Variants in ENTPD1 observed in about 807,000 individuals in gnomAD.
ENTPD1 encodes the protein ATP diphosphohydrolase.
ENTPD1 carries 33 observed loss-of-function variants against 57.0 expected under a neutral mutation model. The ratio of observed to expected loss-of-function variants is 0.58; its 90% CI spans 0.44 to 0.77. The LOEUF is 0.77. Among genes scored for constraint, ENTPD1 ranks in the 30% least tolerant of loss-of-function variants. The pLI, the probability that ENTPD1 is intolerant of heterozygous loss-of-function variation, is 0.00. For synonymous variants in ENTPD1, 202 were observed against 218.8 expected (o/e 0.92, Z 0.68); for missense variants, 501 against 603.4 (o/e 0.83, Z 1.78).
upstream of ENTPD1, among the ~76,000 whole-genome samples, chr10:95,708,823 A>G (rs181680003): frequency 2.6e-5 from 4 of 152,182 alleles, no homozygotes; most frequent in Non-Finnish European, 4.4e-5. Flanking sequence ...AAAAAGTTAA[A>G]CAATGTTTGT....
At chr10:95,808,147 A>G (rs908229376) in intron 1 of ENTPD1, among the ~76,000 whole-genome samples, 18 of 152,214 alleles carry the variant, frequency 1.2e-4, no homozygotes, top group African/African-American at 4.1e-4. Flanking sequence ...AATTTTATAG[A>G]AATCCTTTTC....
intron 1 of ENTPD1, among the ~76,000 whole-genome samples, chr10:95,727,611 T>G (rs1186226478): frequency 6.6e-6 from 1 of 152,214 alleles, no homozygotes; most frequent in Non-Finnish European, 1.5e-5. Context: ...TTTTAACTCC[T>G]TTAAGCACAT....
At chr10:95,798,723 T>C (rs1655348548) in intron 1 of ENTPD1, among the ~76,000 whole-genome samples, 1 of 152,222 alleles carries the variant, frequency 6.6e-6, no homozygotes. Flanking sequence ...ATTTTACAAG[T>C]CATTTCCAAG....
At position 95,866,931 on chromosome 10, in the gene ENTPD1, CAA is replaced by C. The variant is rs1167624762; in HGVS notation, c.*550_*551del. The C allele has an allele frequency of 1.4e-5, 14 of 1,013,600 alleles. No individual in the cohort carries two copies. The highest frequency in any genetic ancestry group is 4.0e-5 in the South Asian group (1 of 24,850). The allele number at this position is 1,013,600 out of a possible 1,614,324, so 62.8% of individuals were successfully genotyped here. A position where few individuals can be genotyped will look rare whatever the true frequency, so the allele number is the denominator to read the frequency against. The stretch of plus-strand genomic sequence containing the variant: ...ACAGTAGGCAAATATGTGCTAAAGC[CAA>C]AGAGTTTTATAAGGAAATATATGTG... On this transcript the variant is annotated 3_prime_UTR_variant, in exon 10 of 10. Transcript: ENST00000371205.
At chr10:95,853,146 C>T (rs1402157889) in intron 7 of ENTPD1, among the ~76,000 whole-genome samples, 4 of 152,186 alleles carry the variant, frequency 2.6e-5, no homozygotes, top group Non-Finnish European at 5.9e-5. Flanking sequence ...AGGTCCTTCA[C>T]ATCCCTTGTA....
At chr10:95,799,676 T>C (rs951941677) in intron 1 of ENTPD1, among the ~76,000 whole-genome samples, 3 of 152,224 alleles carry the variant, frequency 2.0e-5, no homozygotes, top group Non-Finnish European at 4.4e-5. Flanking sequence ...CTGGGTCAAA[T>C]GTTATTTCTG....
intron 8 of ENTPD1, among the ~76,000 whole-genome samples, chr10:95,861,877 T>C (rs1375132245): frequency 3.3e-5 from 5 of 152,062 alleles, no homozygotes; most frequent in Non-Finnish European, 5.9e-5. Flanking sequence ...GCACCTGTAG[T>C]CCCAGCTACT....
chr10:95,706,067 C>T, the ENTPD1 span, among the ~76,000 whole-genome samples: 133 of 152,304 alleles, frequency 8.7e-4, no homozygotes, highest in Non-Finnish European at 1.2e-3. Context: ...CCACTGCATT[C>T]CTGCCTGGGT....
chr10:95,764,087 A>G (rs953268239), intron 1 of ENTPD1, among the ~76,000 whole-genome samples: 1 of 152,202 alleles, frequency 6.6e-6, no homozygotes, highest in Non-Finnish European at 1.5e-5. Context: ...CACCACCACA[A>G]TCAATTTTGG....
At chr10:95,799,952 G>T (rs959282422) in intron 1 of ENTPD1, among the ~76,000 whole-genome samples, 1 of 152,036 alleles carries the variant, frequency 6.6e-6, no homozygotes, top group South Asian at 2.1e-4. Flanking sequence ...GTCTGTTCAT[G>T]TCCTTTGCCC....
upstream of ENTPD1, chr10:95,754,633 CA>C (rs1291476744): frequency 6.6e-6 from 1 of 152,098 alleles, no homozygotes; most frequent in East Asian, 1.9e-4. Flanking sequence ...CACCAAAAAC[CA>C]GTTTTATCAT....
rs1362463237 is a variant in ENTPD1 at position 95,869,881 on chromosome 10, A to T, written c.*3498A>T. On this transcript the variant is annotated 3_prime_UTR_variant, in exon 10 of 10. Transcript: ENST00000371205. ...AATATTTTGTGTCTATTACATTTACAGCACATCTTAATTAGGACTAGCTGT... is the reference window on the plus strand; with the variant it reads ...AATATTTTGTGTCTATTACATTTACTGCACATCTTAATTAGGACTAGCTGT... The T allele has an allele frequency of 7.3e-6, 6 of 822,292 alleles. No homozygotes were observed. The African/African-American group carries it at 1.1e-4, about 15-fold the overall frequency. The allele number at this position is 822,292 out of a possible 1,614,324, so 50.9% of individuals were successfully genotyped here. A position where few individuals can be genotyped will look rare whatever the true frequency, so the allele number is the denominator to read the frequency against.
intron 1 of ENTPD1, among the ~76,000 whole-genome samples, chr10:95,763,711 C>T (rs1461282394): frequency 2.9e-5 from 1 of 34,548 alleles, no homozygotes; most frequent in Non-Finnish European, 4.8e-5. Flanking sequence ...TTGTTTTAAA[C>T]CACTGAGTTT....
At chr10:95,838,510 T>C (rs180717661) in intron 2 of ENTPD1, among the ~76,000 whole-genome samples, 9 of 152,216 alleles carry the variant, frequency 5.9e-5, no homozygotes, top group African/African-American at 2.2e-4. Flanking sequence ...ACAGTTTGAG[T>C]TCATCTTACA....
intron 1 of ENTPD1, among the ~76,000 whole-genome samples, chr10:95,797,676 G>T (rs527855075): frequency 1.2e-4 from 19 of 152,154 alleles, no homozygotes; most frequent in Admixed American, 1.0e-3. Flanking sequence ...AGGAGGAGGT[G>T]CCAGGCTCTT....
At chr10:95,762,065 G>T (rs1006219889) in intron 1 of ENTPD1, among the ~76,000 whole-genome samples, 2 of 152,230 alleles carry the variant, frequency 1.3e-5, no homozygotes, top group African/African-American at 2.4e-5. Context: ...CAGAGTAGAG[G>T]TTGTCTAACA....
chr10:95,750,459 G>A (rs554703314), intron 1 of ENTPD1, among the ~76,000 whole-genome samples: 1 of 152,128 alleles, frequency 6.6e-6, no homozygotes, highest in Non-Finnish European at 1.5e-5. Flanking sequence ...CTTGCTATGT[G>A]ATGTACCAGC....
chr10:95,699,595 A>C, the ENTPD1 span, among the ~76,000 whole-genome samples: 1 of 148,466 alleles, frequency 6.7e-6, no homozygotes, highest in Non-Finnish European at 1.5e-5. Flanking sequence ...GTGACAGAGC[A>C]AAATCCTGTC....
chr10:95,852,259 C>T (rs2098446651), intron 7 of ENTPD1, among the ~76,000 whole-genome samples: 1 of 152,136 alleles, frequency 6.6e-6, no homozygotes, highest in Admixed American at 6.5e-5. Flanking sequence ...GGTCCTTCGC[C>T]CACTTTGTGA....
Sources: allele counts gnomAD v4.1 joint callset (sites outside exome capture counted in the v4.1 genomes callset), GRCh38; gene constraint gnomAD v4.1.1; transcripts MANE v1.5; gene names NCBI Gene and HGNC (gene_info 2026-07-23, HGNC 2026-07-21).